Variants in DIAPH2 observed in about 807,000 individuals in gnomAD.
DIAPH2 encodes the protein diaphanous related formin 2.
DIAPH2 carries 35 observed loss-of-function variants against 92.7 expected under a neutral mutation model. That is an observed-to-expected ratio of 0.38 (90% CI 0.29 to 0.50). The LOEUF (loss-of-function observed/expected upper bound fraction) is 0.50. DIAPH2 is among the 20% of genes least tolerant of loss of function. The pLI, the probability that DIAPH2 is intolerant of heterozygous loss-of-function variation, is 0.94. For missense variants in DIAPH2, 701 were observed against 819.5 expected (o/e 0.86, Z 1.77); for synonymous variants, 301 against 280.4 (o/e 1.07, Z -0.73).
chrX:97,332,244 C>T (rs1040172938), intron 23 of DIAPH2, among the ~76,000 whole-genome samples: 2 of 111,813 alleles, frequency 1.8e-5, no homozygotes, highest in African/African-American at 6.5e-5. Flanking sequence ...AGGAACCTTG[C>T]AGAATTTCTA....
At chrX:96,890,015 A>G (rs1474286137) in intron 5 of DIAPH2, among the ~76,000 whole-genome samples, 2 of 111,120 alleles carry the variant, frequency 1.8e-5, no homozygotes, top group Non-Finnish European at 3.8e-5. Context: ...ATGGAATGGC[A>G]TGAGATGACC....
At chrX:97,129,146 C>CTTTCT (rs1555988045) in intron 21 of DIAPH2, among the ~76,000 whole-genome samples, 6,438 of 35,926 alleles carry the variant, frequency 0.18, 549 homozygotes, top group East Asian at 0.27. Context: ...CTTTTCTTTT[C>CTTTCT]TTTCTTTTCT....
intron 26 of DIAPH2, among the ~76,000 whole-genome samples, chrX:97,432,819 T>C (rs2147779380): frequency 9.0e-6 from 1 of 111,045 alleles, no homozygotes; most frequent in Admixed American, 9.6e-5. Context: ...GACTGTGTTT[T>C]GCCCTATTGC....
intron 22 of DIAPH2, among the ~76,000 whole-genome samples, chrX:97,207,346 T>C (rs1461395609): frequency 8.9e-6 from 1 of 112,053 alleles, no homozygotes; most frequent in Non-Finnish European, 1.9e-5. Flanking sequence ...GCAAGCATTT[T>C]AGGGATTTTA....
rs760841300 is a variant in DIAPH2 at position 97,464,589 on chromosome X, T to C, written c.3241+34844T>C. Among the ~76,000 whole-genome samples the C allele has an allele frequency of 5.4e-5, 6 of 111,443 alleles. No homozygotes were observed. In the Admixed American group the frequency reaches 5.7e-4, roughly 11 times the overall value. On this transcript the variant is annotated intron_variant, in intron 26 of 26. Transcript: ENST00000324765. ...CAGCTAGCCTGTGAATTTGTTTCCCTTAAGTCAGGTGTTCATTCTGTGGCC... is the reference window on the plus strand; with the variant it reads ...CAGCTAGCCTGTGAATTTGTTTCCCCTAAGTCAGGTGTTCATTCTGTGGCC...
intron 22 of DIAPH2, among the ~76,000 whole-genome samples, chrX:97,185,353 G>GTATATATATATGTATATATATA (rs1387950279): frequency 0.7 from 12,801 of 18,233 alleles, 4,080 homozygotes; most frequent in Admixed American, 0.72. Flanking sequence ...ATATATATAT[G>GTATATATATATGTATATATATA]TGTGTATATA....
rs1491584449 is a variant in DIAPH2 at position 97,274,006 on chromosome X, G to GGGGT, written c.2844+26168_2844+26169insGGTG. ...AACTTTAACAGCAAATAAAACTAGC[G>GGGGT]GTGTGTGTGTGTGTGTGTGTGTGTG... On this transcript the variant is annotated intron_variant, in intron 23 of 26. Transcript: ENST00000324765. Among the ~76,000 whole-genome samples, 4 of 86,733 alleles carry GGGGT rather than the reference G, an allele frequency of 4.6e-5. No individual in the cohort carries two copies. The East Asian group carries it at 1.2e-3, about 25-fold the overall frequency. The allele number at this position is 86,733 out of a possible 115,157, so 75.3% of individuals were successfully genotyped here. A position where few individuals can be genotyped will look rare whatever the true frequency, so the allele number is the denominator to read the frequency against.
intron 1 of DIAPH2, among the ~76,000 whole-genome samples, chrX:96,721,681 CTATGA>C (rs1351216507): frequency 8.9e-6 from 1 of 111,847 alleles, no homozygotes; most frequent in Admixed American, 9.5e-5. Flanking sequence ...CTTCCCTCTA[CTATGA>C]TGGGTCATGC....
intron 17 of DIAPH2, among the ~76,000 whole-genome samples, chrX:97,003,026 A>G (rs1382475934): frequency 9.0e-6 from 1 of 111,652 alleles, no homozygotes; most frequent in Non-Finnish European, 1.9e-5. Context: ...GCTCTCATGA[A>G]TAAGTGAGAA....
At chrX:97,210,088 T>A (rs1274771733) in intron 22 of DIAPH2, among the ~76,000 whole-genome samples, 1 of 111,659 alleles carries the variant, frequency 9.0e-6, no homozygotes, top group Non-Finnish European at 1.9e-5. Context: ...AATTATACTA[T>A]AATAATCTCA....
intron 23 of DIAPH2, among the ~76,000 whole-genome samples, chrX:97,273,477 A>T (rs908292278): frequency 4.5e-5 from 5 of 111,725 alleles, no homozygotes; most frequent in Non-Finnish European, 7.5e-5. Context: ...TCTTTTTATA[A>T]GTTCAGATAC....
intron 26 of DIAPH2, among the ~76,000 whole-genome samples, chrX:97,514,944 A>T (rs1416143081): frequency 9.9e-5 from 11 of 110,762 alleles, no homozygotes; most frequent in African/African-American, 3.6e-4. Flanking sequence ...AAGTCTGCAG[A>T]GGTTACTGCT....
Position 96,806,665 on chromosome X carries a change from GAAAC to G in DIAPH2, c.447+48411_447+48414del, listed in dbSNP as rs376737126. Among the ~76,000 whole-genome samples the G allele has an allele frequency of 2.2e-3, 168 of 76,314 alleles. 8 individuals carry two copies. Among genetic ancestry groups the G allele is most frequent in the African/African-American group, 8.4e-3 (151 of 17,929 alleles). 66.3% of individuals were successfully genotyped at this position (76,314 alleles called of 115,157 possible). A position where few individuals can be genotyped will look rare whatever the true frequency, so the allele number is the denominator to read the frequency against. ...CCATCTCAAAAAAAAAAAAAAAAAAGAAACAAAGAAATTATATTTCATTTGTCCT... is the reference window on the plus strand; with the variant it reads ...CCATCTCAAAAAAAAAAAAAAAAAAGAAAGAAATTATATTTCATTTGTCCT... On this transcript the variant is annotated intron_variant, in intron 4 of 26. Coordinates refer to ENST00000324765, the MANE Select transcript of DIAPH2 (RefSeq NM_006729.5).
intron 26 of DIAPH2, among the ~76,000 whole-genome samples, chrX:97,475,250 T>C (rs1473960190): frequency 9.0e-6 from 1 of 111,583 alleles, no homozygotes; most frequent in Non-Finnish European, 1.9e-5. Flanking sequence ...AGAAAATGGG[T>C]AGGGTTAAAT....
chrX:97,501,597 A>G (rs183874101), intron 26 of DIAPH2, among the ~76,000 whole-genome samples: 61 of 111,537 alleles, frequency 5.5e-4, no homozygotes, highest in African/African-American at 1.9e-3. Context: ...TTTATATTAA[A>G]AGATCGTAAT....
At chrX:97,438,844 G>T (rs1037935359) in intron 26 of DIAPH2, among the ~76,000 whole-genome samples, 3 of 112,156 alleles carry the variant, frequency 2.7e-5, no homozygotes, top group Non-Finnish European at 5.6e-5. Flanking sequence ...GAATGGAATT[G>T]TCAATCACTA....
chrX:97,509,688 G>C (rs1375070349), intron 26 of DIAPH2, among the ~76,000 whole-genome samples: 1 of 104,368 alleles, frequency 9.6e-6, no homozygotes, highest in African/African-American at 3.6e-5. Flanking sequence ...TCCCCAGAGT[G>C]TGATGTTCCC....
chrX:96,711,059 A>G (rs1259068695), intron 1 of DIAPH2, among the ~76,000 whole-genome samples: 2 of 112,348 alleles, frequency 1.8e-5, no homozygotes, highest in Admixed American at 1.9e-4. Flanking sequence ...TGTTGTATAC[A>G]TAACACATTT....
At chrX:96,706,921 A>G (rs1053065229) in intron 1 of DIAPH2, among the ~76,000 whole-genome samples, 20 of 111,775 alleles carry the variant, frequency 1.8e-4, no homozygotes, top group African/African-American at 6.2e-4. Context: ...AAGTAGAAAC[A>G]CACACAGAAT....
Sources: allele counts gnomAD v4.1 joint callset (sites outside exome capture counted in the v4.1 genomes callset), GRCh38; gene constraint gnomAD v4.1.1; transcripts MANE v1.5; gene names NCBI Gene and HGNC (gene_info 2026-07-23, HGNC 2026-07-21).